OXSR1: variants seen among roughly 807,000 people sequenced by gnomAD.
OXSR1 encodes the protein serine/threonine-protein kinase OSR1.
In OXSR1, 24 loss-of-function variants were observed where a neutral mutation model predicts 79.8. The ratio of observed to expected loss-of-function variants is 0.30; its 90% CI spans 0.22 to 0.42. OXSR1 has a LOEUF of 0.42. Ranked by LOEUF, OXSR1 falls within the 10% of genes least tolerant of loss-of-function variation. The probability of loss-of-function intolerance (pLI) is 1.00; values close to 1 mark genes in which losing one functional copy is unlikely to be tolerated. For synonymous variants in OXSR1, 226 were observed against 209.2 expected, an observed-to-expected ratio of 1.08 and a Z score of -0.69; for missense variants, 430 against 618.4, an observed-to-expected ratio of 0.70 and a Z score of 3.23.
Position 38,222,392 on chromosome 3 carries a change from C to T in OXSR1, c.600+705C>T, listed in dbSNP as rs181242231. ...CTTGAGAAGATAAGATTGGCTGACA[C>T]GGAACCGAAATCTGCTTCTCAGGGG... On this transcript the variant is annotated intron_variant, in intron 6 of 17. Coordinates refer to ENST00000311806, the MANE Select transcript of OXSR1 (RefSeq NM_005109.3). Among the ~76,000 whole-genome samples, 303 of 152,252 alleles carry T rather than the reference C, an allele frequency of 2.0e-3. 1 individual carries two copies. The highest frequency in any genetic ancestry group is 6.4e-3 in the African/African-American group (267 of 41,554).
At chr3:38,193,097 G>A (rs1377589677) in intron 3 of OXSR1, among the ~76,000 whole-genome samples, 1 of 152,184 alleles carries the variant, frequency 6.6e-6, no homozygotes, top group African/African-American at 2.4e-5. Context: ...TGTTAAATGT[G>A]GGGTTACCTT....
intron 4 of OXSR1, among the ~76,000 whole-genome samples, chr3:38,199,872 T>C (rs1438016626): frequency 6.6e-6 from 1 of 152,190 alleles, no homozygotes; most frequent in Non-Finnish European, 1.5e-5. Flanking sequence ...AGTCCCATCA[T>C]GTGGACTCCC....
At chr3:38,168,016 T>TTCGTGATTTGTTAATTTGGTGTCC in intron 1 of OXSR1, among the ~76,000 whole-genome samples, 1 of 152,232 alleles carries the variant, frequency 6.6e-6, no homozygotes, top group African/African-American at 2.4e-5. Context: ...CGCTAGAGAT[T>TTCGTGATTTGTTAATTTGGTGTCC]TCGTGATTTG....
intron 7 of OXSR1, among the ~76,000 whole-genome samples, chr3:38,224,172 C>G (rs1449677946): frequency 1.3e-5 from 2 of 152,152 alleles, no homozygotes; most frequent in Non-Finnish European, 2.9e-5. Flanking sequence ...ACTCTTGATT[C>G]CCATTCTTAG....
At chr3:38,176,790 G>A (rs1036633874) in intron 1 of OXSR1, among the ~76,000 whole-genome samples, 19 of 152,190 alleles carry the variant, frequency 1.2e-4, no homozygotes, top group African/African-American at 4.3e-4. Flanking sequence ...AATTATGATT[G>A]ATAATACATA....
At chr3:38,217,091 A>G (rs1559516564) in intron 5 of OXSR1, among the ~76,000 whole-genome samples, 1 of 152,176 alleles carries the variant, frequency 6.6e-6, no homozygotes, top group African/African-American at 2.4e-5. Context: ...AGAAAAAAAA[A>G]CTCTAAAAAA....
intron 1 of OXSR1, among the ~76,000 whole-genome samples, 192 bp downstream of exon 1, chr3:38,166,138 C>T (rs1307652747): frequency 6.6e-6 from 1 of 151,140 alleles, no homozygotes; most frequent in African/African-American, 2.4e-5. Context: ...GAGGCGCGCG[C>T]CTGTGAGGTG....
In OXSR1 at chr3:38,252,905, A is replaced by T. The variant is rs1352906203; in HGVS notation, c.*14A>T. 4 of 1,609,840 alleles carry T rather than the reference A, an allele frequency of 2.5e-6. No homozygotes were observed. The highest frequency in any genetic ancestry group is 2.6e-6 in the Non-Finnish European group (3 of 1,176,208). On this transcript the variant is annotated 3_prime_UTR_variant, in exon 18 of 18. Coordinates refer to ENST00000311806, the MANE Select transcript of OXSR1 (RefSeq NM_005109.3). The stretch of plus-strand genomic sequence containing the variant: ...AGCATCAGCTAAACCACAACCCTGG[A>T]AGAGGCGGCCTAAGGAGATTCCACA...
chr3:38,239,958 A>C (rs1702995672), intron 11 of OXSR1, among the ~76,000 whole-genome samples: 2 of 152,094 alleles, frequency 1.3e-5, no homozygotes, highest in African/African-American at 2.4e-5. Flanking sequence ...CCCAGTGCCC[A>C]ATGTCTTGAA....
intron 2 of OXSR1, among the ~76,000 whole-genome samples, chr3:38,187,815 G>A (rs1047245050): frequency 6.6e-6 from 1 of 151,988 alleles, no homozygotes; most frequent in African/African-American, 2.4e-5. Flanking sequence ...CAAACTCCTG[G>A]GCTTAAGGGA....
intron 1 of OXSR1, among the ~76,000 whole-genome samples, chr3:38,177,080 A>G (rs1701688858): frequency 6.6e-6 from 1 of 152,266 alleles, no homozygotes; most frequent in Non-Finnish European, 1.5e-5. Context: ...GCAAAGAATC[A>G]GTGAACACAT....
intron 12 of OXSR1, among the ~76,000 whole-genome samples, chr3:38,245,216 T>C (rs988421913): frequency 6.6e-6 from 1 of 152,174 alleles, no homozygotes; most frequent in Non-Finnish European, 1.5e-5. Context: ...CTTTGAATTT[T>C]TTCTCTTTCA....
chr3:38,178,620 ATTTTTTTT>A lies in OXSR1; in HGVS notation c.71-4369_71-4362del, dbSNP rs71085303. Among the ~76,000 whole-genome samples, 8 of 95,104 alleles carry A rather than the reference ATTTTTTTT, an allele frequency of 8.4e-5. No homozygotes were observed. The East Asian group carries it at 2.6e-3, about 31-fold the overall frequency. The allele number at this position is 95,104 out of a possible 152,430, so 62.4% of individuals were successfully genotyped here. A position where few individuals can be genotyped will look rare whatever the true frequency, so the allele number is the denominator to read the frequency against. On this transcript the variant is annotated intron_variant, in intron 1 of 17. Coordinates refer to ENST00000311806, the MANE Select transcript of OXSR1 (RefSeq NM_005109.3). ...TATCCAGCTATATATATATATATAT[ATTTTTTTT>A]TTTTTTTTTTTTTCTTTTTTTGTAT...
chr3:38,208,106 A>G (rs960120912), intron 4 of OXSR1, among the ~76,000 whole-genome samples: 6 of 152,046 alleles, frequency 3.9e-5, no homozygotes, highest in African/African-American at 1.4e-4. Flanking sequence ...CATACATACA[A>G]TTATCATAAT....
intron 1 of OXSR1, among the ~76,000 whole-genome samples, chr3:38,180,933 G>C (rs1483304545): frequency 2.0e-4 from 30 of 152,032 alleles, no homozygotes; most frequent in Admixed American, 2.0e-3. Flanking sequence ...GGCCCACCCA[G>C]ACAATTTAGG....
chr3:38,207,397 C>T (rs1466174363), intron 4 of OXSR1, among the ~76,000 whole-genome samples: 1 of 152,198 alleles, frequency 6.6e-6, no homozygotes, highest in Non-Finnish European at 1.5e-5. Flanking sequence ...GCTCTAAGTT[C>T]TTGCTTCATG....
At chr3:38,229,883 T>C in intron 9 of OXSR1, 148 bp downstream of exon 9, 1 of 655,090 alleles carries the variant, frequency 1.5e-6, no homozygotes, top group Non-Finnish European at 2.7e-6. Flanking sequence ...ATACAGTCTT[T>C]GATAATTAAG....
At position 38,250,687 on chromosome 3, in the gene OXSR1, C is replaced by T. The variant is rs146230894; in HGVS notation, c.1375+669C>T. ...TGTCTCACTATCATGAGCAACTAAC[C>T]ACTAAAGAGAAAAGATGCAGGTGTA... On this transcript the variant is annotated intron_variant, in intron 15 of 17. Transcript: ENST00000311806. Among the ~76,000 whole-genome samples the T allele has an allele frequency of 4.3e-3, 662 of 152,310 alleles. 2 individuals carry two copies. Among genetic ancestry groups the T allele is most frequent in the Middle Eastern group, 0.024 (7 of 294 alleles).
intron 10 of OXSR1, chr3:38,230,684 A>T (rs1181815737): frequency 5.7e-6 from 2 of 348,970 alleles, no homozygotes; most frequent in African/African-American, 4.3e-5. Flanking sequence ...ACTCTGTTTG[A>T]TAACTGTTTC....
Sources: allele counts gnomAD v4.1 joint callset (sites outside exome capture counted in the v4.1 genomes callset), GRCh38; gene constraint gnomAD v4.1.1; transcripts MANE v1.5; gene names NCBI Gene and HGNC (gene_info 2026-07-23, HGNC 2026-07-21).